Variants in KCNK12 observed in about 807,000 individuals in gnomAD.
KCNK12 encodes potassium channel subfamily K member 12.
KCNK12 carries 6 observed loss-of-function variants against 25.3 expected under a neutral mutation model. The ratio of observed to expected loss-of-function variants is 0.24; its 90% CI spans 0.13 to 0.47. The LOEUF is 0.47. Among genes scored for constraint, KCNK12 ranks in the 20% least tolerant of loss-of-function variants. KCNK12 has a pLI of 0.99. For missense variants in KCNK12, 444 were observed against 661.7 expected, an observed-to-expected ratio of 0.67 and a Z score of 3.61; for synonymous variants, 331 against 311.1, an observed-to-expected ratio of 1.06 and a Z score of -0.67.
In KCNK12 at chr2:47,569,537, G is replaced by C. The variant is rs943605921; in HGVS notation, c.391+404C>G. Reference sequence around the variant, plus strand: ...GGGGAGACTATGAAAAGAAATAAAAGCGCCGAGGGTGGAGGGAGAAGGGGC... The same window carrying C: ...GGGGAGACTATGAAAAGAAATAAAACCGCCGAGGGTGGAGGGAGAAGGGGC... On this transcript the variant is annotated intron_variant, in intron 1 of 1. Transcript: ENST00000327876. This position sits in a 1 kb window ranked among gnomAD's most constrained non-coding sequence, Gnocchi z 4.1. 2.0e-5 allele frequency among the ~76,000 whole-genome samples: 3 copies of C among 152,062 alleles called. No individual in the cohort carries two copies. Among genetic ancestry groups the C allele is most frequent in the Non-Finnish European group, 2.9e-5 (2 of 67,990 alleles).
chr2:47,554,190 A>G (rs1347440999), intron 1 of KCNK12, among the ~76,000 whole-genome samples: 1 of 152,232 alleles, frequency 6.6e-6, no homozygotes, highest in Admixed American at 6.5e-5. Context: ...GGAATATAAT[A>G]GTGGACAAGA....
chr2:47,545,024 T>TA (rs1235986539), intron 1 of KCNK12, among the ~76,000 whole-genome samples: 1 of 152,246 alleles, frequency 6.6e-6, no homozygotes, highest in Non-Finnish European at 1.5e-5. Flanking sequence ...AAGTATCTGT[T>TA]ATTCGAGTGA....
In KCNK12 at chr2:47,540,351, C is replaced by T. The variant is rs193111912; in HGVS notation, c.392-18543G>A. 5.4e-4 allele frequency among the ~76,000 whole-genome samples: 83 copies of T among 152,300 alleles called. No homozygotes were observed. Among genetic ancestry groups the T allele is most frequent in the African/African-American group, 1.8e-3 (76 of 41,544 alleles). ...TGTGCCAGGGGGCTGAGTGTCCGGC[C>T]TGGGACGTGAGAGGGCATGGGCTCA... On this transcript the variant is annotated intron_variant, in intron 1 of 1. Transcript: ENST00000327876. The surrounding 1 kb of genome is among the most constrained non-coding windows in gnomAD (Gnocchi z 5.4).
chr2:47,550,384 T>C (rs2104845311), intron 1 of KCNK12, among the ~76,000 whole-genome samples: 1 of 144,652 alleles, frequency 6.9e-6, no homozygotes, highest in South Asian at 2.3e-4. Context: ...CAGACTTTTT[T>C]TTTTTTTTTT....
chr2:47,542,543 T>C (rs1335829589), intron 1 of KCNK12, among the ~76,000 whole-genome samples: 1 of 152,244 alleles, frequency 6.6e-6, no homozygotes, highest in East Asian at 1.9e-4. Context: ...GGGGAAGGTC[T>C]CTGGGGTGGG....
intron 1 of KCNK12, among the ~76,000 whole-genome samples, chr2:47,568,366 T>A (rs562404473): frequency 2.0e-5 from 3 of 152,238 alleles, no homozygotes; most frequent in African/African-American, 7.2e-5. Flanking sequence ...AGGGGATTTT[T>A]TTTGAGGGGG....
intron 1 of KCNK12, among the ~76,000 whole-genome samples, chr2:47,561,382 A>G (rs759703350): frequency 4.6e-5 from 7 of 152,210 alleles, no homozygotes; most frequent in Admixed American, 2.0e-4. Context: ...TGAGGACCCA[A>G]AGAAAATGCA....
chr2:47,541,982 A>AGCAGCAGCAGCAGCAGCG (rs1669210662), intron 1 of KCNK12, among the ~76,000 whole-genome samples: 2 of 152,106 alleles, frequency 1.3e-5, no homozygotes, highest in Non-Finnish European at 2.9e-5. Context: ...TTTCTGTAGC[A>AGCAGCAGCAGCAGCAGCG]GCAGCAGCAG....
rs1054255778 is a variant in KCNK12, at chr2:47,541,816, C to A, written c.392-20008G>T. The stretch of plus-strand genomic sequence containing the variant: ...AAACCAACCCTGCCAGCCCCTTGAT[C>A]TTAGACTTCTGGCCTCCAGAATTGT... On this transcript the variant is annotated intron_variant, in intron 1 of 1. Transcript: ENST00000327876. Among the ~76,000 whole-genome samples the A allele has an allele frequency of 6.6e-5, 10 of 152,318 alleles. 1 individual carries two copies. Among genetic ancestry groups the A allele is most frequent in the Admixed American group, 5.9e-4 (9 of 15,304 alleles).
Position 47,520,076 on chromosome 2 carries a change from A to G in KCNK12, c.*831T>C, listed in dbSNP as rs1668616419. The G allele has an allele frequency of 6.6e-6, 1 of 152,244 alleles. No individual in the cohort carries two copies. The highest frequency in any genetic ancestry group is 1.5e-5 in the Non-Finnish European group (1 of 68,042). The allele number at this position is 152,244 out of a possible 1,614,324, so 9.4% of individuals were successfully genotyped here. ...ATATTGAAAAGCACTGCTGTGGATGAGCTTGTGAAAGAAAGGACGGTTGGG... is the reference window on the plus strand; with the variant it reads ...ATATTGAAAAGCACTGCTGTGGATGGGCTTGTGAAAGAAAGGACGGTTGGG... On this transcript the variant is annotated 3_prime_UTR_variant, in exon 2 of 2. Transcript: ENST00000327876. The surrounding 1 kb of genome is among the most constrained non-coding windows in gnomAD (Gnocchi z 5.0).
Position 47,513,630 on chromosome 2 carries a change from C to A in KCNK12, c.*7277G>T, listed in dbSNP as rs1280906736. On this transcript the variant is annotated 3_prime_UTR_variant, in exon 2 of 2. Coordinates refer to ENST00000327876, the MANE Select transcript of KCNK12 (RefSeq NM_022055.2). ...CACAAGGCCAATTGCTTGGTGGGAA[C>A]CCCTCCCCCATGGTTATCTCATGGG... 1.3e-5 allele frequency among the ~76,000 whole-genome samples: 2 copies of A among 152,122 alleles called. No individual in the cohort carries two copies. Among genetic ancestry groups the A allele is most frequent in the Non-Finnish European group, 2.9e-5 (2 of 68,028 alleles).
rs940349249 is a variant in KCNK12 at position 47,512,199 on chromosome 2, G to T, written c.*8708C>A. ...TGGAGAAAAAAGAATTGAACAAACT[G>T]TCTAAGCTGGGTCAGGTACTCTGCA... On this transcript the variant is annotated 3_prime_UTR_variant, in exon 2 of 2. Transcript: ENST00000327876. 7 of 1,380,762 alleles carry T rather than the reference G, an allele frequency of 5.1e-6. No homozygotes were observed. Among genetic ancestry groups the T allele is most frequent in the Non-Finnish European group, 4.9e-6 (5 of 1,015,312 alleles). The allele number at this position is 1,380,762 out of a possible 1,614,324, so 85.5% of individuals were successfully genotyped here.
At position 47,512,662 on chromosome 2, in the gene KCNK12, C is replaced by A; in HGVS notation, c.*8245G>T. The A allele has an allele frequency of 1.9e-6, 1 of 516,588 alleles. No homozygotes were observed. The highest frequency in any genetic ancestry group is 2.5e-5 in the South Asian group (1 of 40,582). The allele number at this position is 516,588 out of a possible 1,614,324, so 32.0% of individuals were successfully genotyped here. A position where few individuals can be genotyped will look rare whatever the true frequency, so the allele number is the denominator to read the frequency against. ...AATGGGATGATGTGCCCTTGTACACCCACTGCCTCTGAACTCTGCTCTGCA... is the reference window on the plus strand; with the variant it reads ...AATGGGATGATGTGCCCTTGTACACACACTGCCTCTGAACTCTGCTCTGCA... On this transcript the variant is annotated 3_prime_UTR_variant, in exon 2 of 2. Coordinates refer to ENST00000327876, the MANE Select transcript of KCNK12 (RefSeq NM_022055.2).
intron 1 of KCNK12, among the ~76,000 whole-genome samples, chr2:47,550,046 A>T (rs1206782929): frequency 1.3e-5 from 2 of 152,226 alleles, no homozygotes; most frequent in Non-Finnish European, 2.9e-5. Context: ...TAGCAATAGA[A>T]CTATTCAAAA....
rs1668511848 is a variant in KCNK12 at position 47,515,815 on chromosome 2, G to C, written c.*5092C>G. Among the ~76,000 whole-genome samples the C allele has an allele frequency of 6.6e-6, 1 of 152,220 alleles. No individual in the cohort carries two copies. The highest frequency in any genetic ancestry group is 2.1e-4 in the South Asian group (1 of 4,818). On this transcript the variant is annotated 3_prime_UTR_variant, in exon 2 of 2. Coordinates refer to ENST00000327876, the MANE Select transcript of KCNK12 (RefSeq NM_022055.2). ...AAGTAAGCTGCTTCTGAAAAGAAGG[G>C]GTTTGCAAAGCCAACCCAGGCAAAA...
In KCNK12 at chr2:47,509,995, A is replaced by G. The variant is rs1224415306; in HGVS notation, c.*10912T>C. On this transcript the variant is annotated 3_prime_UTR_variant, in exon 2 of 2. Transcript: ENST00000327876. ...CCTCCCCCTTGCTGTCCTCTTGTAC[A>G]GAGGACTGAAAGCACAACACTCTCT... The G allele has an allele frequency of 1.3e-5, 2 of 152,196 alleles. No homozygotes were observed. The highest frequency in any genetic ancestry group is 4.8e-5 in the African/African-American group (2 of 41,444). The allele number at this position is 152,196 out of a possible 1,614,324, so 9.4% of individuals were successfully genotyped here.
At position 47,509,482 on chromosome 2, in the gene KCNK12, G is replaced by C. The variant is rs996709325; in HGVS notation, c.*11425C>G. Among the ~76,000 whole-genome samples, 4 of 152,258 alleles carry C rather than the reference G, an allele frequency of 2.6e-5. No individual in the cohort carries two copies. The highest frequency in any genetic ancestry group is 2.4e-5 in the African/African-American group (1 of 41,472). The stretch of plus-strand genomic sequence containing the variant: ...TCAGCTGGCTGCCAACACGTCAGTT[G>C]TATCAGCATTAGCTGGCTGGAGGTG... On this transcript the variant is annotated 3_prime_UTR_variant, in exon 2 of 2. Coordinates refer to ENST00000327876, the MANE Select transcript of KCNK12 (RefSeq NM_022055.2).
At position 47,562,514 on chromosome 2, in the gene KCNK12, T is replaced by C. The variant is rs1343732657; in HGVS notation, c.391+7427A>G. On this transcript the variant is annotated intron_variant, in intron 1 of 1. Transcript: ENST00000327876. The surrounding 1 kb of genome is among the most constrained non-coding windows in gnomAD (Gnocchi z 4.8). ...GCCAAGCGCAGGGAGGAGGCAGCAC[T>C]CACAAGACAGAGTCCGGAGCATTCT... The C allele has an allele frequency of 4.2e-6, 1 of 238,898 alleles. No homozygotes were observed. The highest frequency in any genetic ancestry group is 2.2e-5 in the African/African-American group (1 of 45,698). 14.8% of individuals were successfully genotyped at this position (238,898 alleles called of 1,614,324 possible).
chr2:47,521,578 C>A lies in KCNK12; in HGVS notation c.622G>T (p.Gly208Cys). The A allele has an allele frequency of 6.4e-7, 1 of 1,559,100 alleles. No homozygotes were observed. The highest frequency in any genetic ancestry group is 8.7e-7 in the Non-Finnish European group (1 of 1,151,424). Residue 208 changes from glycine to cysteine, a missense_variant, in exon 2 of 2, where the codon GGC becomes TGC. By Grantham distance (159) the Gly-to-Cys change is radical. Around this residue, in one of 8 missense-constraint regions of KCNK12, gnomAD observed 36 missense variants for 36.4 expected, o/e 0.99. Transcript: ENST00000327876. ...SALSEADSLA[G>C]WKPSVYHVLL... ...ACGTGGTACACCGAGGGCTTCCAGC[C>A]CGCCAGGCTGTCGGCCTCCGAGAGC...
Sources: gnomAD v4.1 joint callset for allele counts (sites outside exome capture counted in the v4.1 genomes callset) on GRCh38, gnomAD v4.1.1 for gene constraint, gnomAD v4.1.1 regional missense constraint, Gnocchi (gnomAD v3.1) non-coding constraint, MANE v1.5 for transcripts, NCBI Gene and HGNC (gene_info 2026-07-23, HGNC 2026-07-21) for gene names.